HTR1E: variants seen among roughly 807,000 people sequenced by gnomAD.
The protein encoded by HTR1E is 5-HT-1E.
In HTR1E, 3 loss-of-function variants were observed where a neutral mutation model predicts 3.4. That is an observed-to-expected ratio of 0.89 (90% CI 0.41 to 2.31). The LOEUF is 2.31. Ranked by LOEUF, HTR1E falls within the 30% of genes most tolerant of loss-of-function variation. HTR1E has a pLI of 0.05. For missense variants in HTR1E, 392 were observed against 467.0 expected (o/e 0.84, Z 1.48); for synonymous variants, 170 against 182.8 (o/e 0.93, Z 0.56).
chr6:87,008,201 A>T (rs1436285308), intron 1 of HTR1E, among the ~76,000 whole-genome samples: 2 of 152,160 alleles, frequency 1.3e-5, no homozygotes, highest in Non-Finnish European at 2.9e-5. Context: ...AAAGAGAATA[A>T]AGAATCCCAC....
intron 1 of HTR1E, among the ~76,000 whole-genome samples, chr6:87,004,754 A>AAAAG (rs796909681): frequency 3.3e-5 from 5 of 152,188 alleles, no homozygotes; most frequent in African/African-American, 9.6e-5. Flanking sequence ...GCAATCAGAC[A>AAAAG]AAAGAAAGAA....
At chr6:86,952,126 T>C (rs1372298559) in intron 1 of HTR1E, among the ~76,000 whole-genome samples, 2 of 152,206 alleles carry the variant, frequency 1.3e-5, no homozygotes, top group Non-Finnish European at 2.9e-5. Flanking sequence ...TAGGAAATTA[T>C]CAGGAATCTA....
At chr6:87,009,662 C>T (rs935578547) in intron 1 of HTR1E, among the ~76,000 whole-genome samples, 2 of 147,994 alleles carry the variant, frequency 1.4e-5, no homozygotes, top group African/African-American at 5.1e-5. Flanking sequence ...CCCTCACCTC[C>T]CGGACGGGGC....
At chr6:86,971,375 T>TA (rs1213919356) in intron 1 of HTR1E, among the ~76,000 whole-genome samples, 1 of 152,206 alleles carries the variant, frequency 6.6e-6, no homozygotes, top group African/African-American at 2.4e-5. Context: ...TTATGGATTA[T>TA]AAAAACCATG....
intron 1 of HTR1E, among the ~76,000 whole-genome samples, chr6:86,964,393 T>C (rs1258770889): frequency 1.3e-5 from 2 of 152,240 alleles, no homozygotes; most frequent in African/African-American, 4.8e-5. Context: ...TATATATGCC[T>C]AAATATGCCA....
chr6:86,938,134 A>C (rs1050804685), intron 1 of HTR1E, among the ~76,000 whole-genome samples: 1 of 152,152 alleles, frequency 6.6e-6, no homozygotes. Flanking sequence ...GGCAGCTTAA[A>C]GATTAAATAG....
chr6:86,997,408 A>C (rs987482123), intron 1 of HTR1E, among the ~76,000 whole-genome samples: 1 of 151,920 alleles, frequency 6.6e-6, no homozygotes, highest in Admixed American at 6.5e-5. Context: ...AAAAATGTTC[A>C]TATTTCAAAT....
intron 1 of HTR1E, among the ~76,000 whole-genome samples, chr6:86,969,052 T>C (rs978735404): frequency 4.6e-5 from 7 of 152,190 alleles, no homozygotes; most frequent in South Asian, 2.1e-4. Flanking sequence ...TTCCATGAGT[T>C]TGAAATACTT....
chr6:86,970,121 C>T (rs765104197), intron 1 of HTR1E, among the ~76,000 whole-genome samples: 2 of 152,214 alleles, frequency 1.3e-5, no homozygotes, highest in Non-Finnish European at 2.9e-5. Flanking sequence ...TTCTTAACAG[C>T]TCCTGAAGGT....
chr6:86,995,658 T>A (rs1767927475), intron 1 of HTR1E, among the ~76,000 whole-genome samples: 3 of 78,920 alleles, frequency 3.8e-5, no homozygotes, highest in African/African-American at 1.1e-4. Flanking sequence ...AGAGTGAGAC[T>A]CCATCTCAAA....
chr6:87,009,988 G>A (rs1459682654), intron 1 of HTR1E, among the ~76,000 whole-genome samples: 15 of 126,744 alleles, frequency 1.2e-4, no homozygotes, highest in African/African-American at 1.5e-4. Flanking sequence ...CCTCCCAGAC[G>A]GGGTGGCTGG....
Position 86,995,292 on chromosome 6 carries a change from T to TAATTAATAAATA in HTR1E, c.-185-19855_-185-19854insTAATAAATAAAT, listed in dbSNP as rs71553488. Among the ~76,000 whole-genome samples, 5 of 144,134 alleles carry TAATTAATAAATA rather than the reference T, an allele frequency of 3.5e-5. No homozygotes were observed. The East Asian group carries it at 6.1e-4, about 18-fold the overall frequency. 94.6% of individuals were successfully genotyped at this position (144,134 alleles called of 152,430 possible). ...ATAGCAAGACCTCATCTCTATAATA[T>TAATTAATAAATA]AATAAATAAATAAATAAATAAATAA... On this transcript the variant is annotated intron_variant, in intron 1 of 1. Coordinates refer to ENST00000305344, the MANE Select transcript of HTR1E (RefSeq NM_000865.3).
Position 86,963,274 on chromosome 6 carries a change from T to C in HTR1E, c.-186+25451T>C, listed in dbSNP as rs76801635. Reference sequence around the variant, plus strand: ...AATAAGGATATAAAAAAAGAAAATATTTTTGTACAGCTGTACAATGTACAC... The same window carrying C: ...AATAAGGATATAAAAAAAGAAAATACTTTTGTACAGCTGTACAATGTACAC... On this transcript the variant is annotated intron_variant, in intron 1 of 1. Transcript: ENST00000305344. Among the ~76,000 whole-genome samples the C allele has an allele frequency of 3.6e-3, 547 of 152,272 alleles. 23 individuals carry two copies. The East Asian group carries it at 0.088, about 24-fold the overall frequency.
intron 1 of HTR1E, among the ~76,000 whole-genome samples, chr6:86,978,593 A>G (rs1767670351): frequency 6.6e-6 from 1 of 152,178 alleles, no homozygotes; most frequent in South Asian, 2.1e-4. Flanking sequence ...GAGATAATAA[A>G]TTTCTTTACT....
chr6:86,953,971 A>G (rs1168503296), intron 1 of HTR1E, among the ~76,000 whole-genome samples: 2 of 152,214 alleles, frequency 1.3e-5, no homozygotes, highest in Non-Finnish European at 2.9e-5. Context: ...CCATGAGAAC[A>G]GCAGAGGGAA....
intron 1 of HTR1E, among the ~76,000 whole-genome samples, chr6:86,962,193 G>T (rs560603707): frequency 6.6e-6 from 1 of 152,108 alleles, no homozygotes; most frequent in Non-Finnish European, 1.5e-5. Flanking sequence ...TATAAAATGT[G>T]GTAGTATGAT....
chr6:86,963,980 C>A (rs779155113), intron 1 of HTR1E, among the ~76,000 whole-genome samples: 51 of 152,140 alleles, frequency 3.4e-4, no homozygotes, highest in Admixed American at 1.1e-3. Context: ...CCCCCATGGT[C>A]TTAGGGGTAG....
intron 1 of HTR1E, among the ~76,000 whole-genome samples, chr6:87,009,281 T>C (rs1351927423): frequency 6.7e-6 from 1 of 150,142 alleles, no homozygotes; most frequent in African/African-American, 2.5e-5. Context: ...GCATGCTGCC[T>C]TCAAGCATCT....
chr6:86,980,288 G>A (rs1767693287), intron 1 of HTR1E, among the ~76,000 whole-genome samples: 1 of 151,874 alleles, frequency 6.6e-6, no homozygotes, highest in Non-Finnish European at 1.5e-5. Context: ...TCGGGAGGCT[G>A]AGGCAGGAGA....
Sources: allele counts gnomAD v4.1 joint callset (sites outside exome capture counted in the v4.1 genomes callset), GRCh38; gene constraint gnomAD v4.1.1; transcripts MANE v1.5; gene names NCBI Gene and HGNC (gene_info 2026-07-23, HGNC 2026-07-21).